VPS13B: variants seen among roughly 807,000 people sequenced by gnomAD.
VPS13B encodes vacuolar protein sorting 13 homolog B.
In VPS13B, 285 loss-of-function variants were observed where a neutral mutation model predicts 426.4. The ratio of observed to expected loss-of-function variants is 0.67; its 90% CI spans 0.61 to 0.74. The LOEUF (loss-of-function observed/expected upper bound fraction) is 0.74. VPS13B is among the 30% of genes least tolerant of loss of function. The probability of loss-of-function intolerance (pLI) is 0.00; values close to 1 mark genes in which losing one functional copy is unlikely to be tolerated. For missense variants in VPS13B, 4,537 were observed against 4,782.6 expected (o/e 0.95, Z 1.51); for synonymous variants, 1,676 against 1,676.4 (o/e 1.00, Z 0.01).
At chr8:99,457,469 C>G (rs181155616) in intron 23 of VPS13B, among the ~76,000 whole-genome samples, 2 of 152,246 alleles carry the variant, frequency 1.3e-5, no homozygotes, top group Admixed American at 6.5e-5. Context: ...ATTCCTCATT[C>G]TGGTAATTGT....
At chr8:99,216,266 T>A (rs1425661666) in intron 17 of VPS13B, among the ~76,000 whole-genome samples, 1 of 152,172 alleles carries the variant, frequency 6.6e-6, no homozygotes, top group Non-Finnish European at 1.5e-5. Context: ...GCTGCAGGGC[T>A]TTTACTGTGT....
intron 33 of VPS13B, among the ~76,000 whole-genome samples, chr8:99,594,015 T>C (rs889681440): frequency 4.0e-5 from 6 of 151,870 alleles, no homozygotes; most frequent in Non-Finnish European, 7.4e-5. Context: ...GAAACCACCA[T>C]GGCACAGATT....
At chr8:99,049,426 T>C (rs1843411977) in intron 3 of VPS13B, among the ~76,000 whole-genome samples, 7 of 152,114 alleles carry the variant, frequency 4.6e-5, no homozygotes, top group Admixed American at 4.6e-4. Context: ...TGAAGCTTAG[T>C]TTTGCTGGAT....
At chr8:99,743,890 A>G (rs573843769) in intron 39 of VPS13B, among the ~76,000 whole-genome samples, 10 of 152,356 alleles carry the variant, frequency 6.6e-5, no homozygotes, top group African/African-American at 1.9e-4. Flanking sequence ...AAACCTAGGC[A>G]ATACCATTCA....
At chr8:99,783,013 G>A (rs1436564593) in intron 42 of VPS13B, among the ~76,000 whole-genome samples, 1 of 152,134 alleles carries the variant, frequency 6.6e-6, no homozygotes, top group Admixed American at 6.6e-5. Flanking sequence ...AATAAGGTAT[G>A]TCAGGGCCAC....
At chr8:99,302,198 T>C (rs1004471560) in intron 19 of VPS13B, among the ~76,000 whole-genome samples, 1 of 152,216 alleles carries the variant, frequency 6.6e-6, no homozygotes, top group African/African-American at 2.4e-5. Context: ...AGCTCCAAAC[T>C]GTCTAGCCAG....
chr8:99,708,018 A>G (rs1832558303), intron 36 of VPS13B, among the ~76,000 whole-genome samples: 1 of 152,192 alleles, frequency 6.6e-6, no homozygotes, highest in Admixed American at 6.6e-5. Flanking sequence ...ACTTTTTTAA[A>G]AAAATTGATT....
intron 33 of VPS13B, among the ~76,000 whole-genome samples, chr8:99,638,860 T>C (rs1829177659): frequency 6.6e-6 from 1 of 152,212 alleles, no homozygotes; most frequent in South Asian, 2.1e-4. Flanking sequence ...AATTTTTTCA[T>C]TTAATGTTGT....
At chr8:99,467,759 G>C in intron 24 of VPS13B, 125 bp downstream of exon 24, 1 of 1,008,186 alleles carries the variant, frequency 9.9e-7, no homozygotes, top group Non-Finnish European at 1.5e-6. Flanking sequence ...TGGCCATCAA[G>C]ATCAGGGTGG....
At chr8:99,578,297 A>G (rs1052953668) in intron 33 of VPS13B, among the ~76,000 whole-genome samples, 3 of 152,186 alleles carry the variant, frequency 2.0e-5, no homozygotes, top group Admixed American at 6.5e-5. Context: ...AACTGTTTAT[A>G]TATGAAAAAG....
chr8:99,823,769 C>A, intron 50 of VPS13B, 63 bp from the exon 51 acceptor site: 1 of 1,541,644 alleles, frequency 6.5e-7, no homozygotes, highest in Non-Finnish European at 8.9e-7. Context: ...TTTAGGAATA[C>A]TCAAGAGATT....
intron 19 of VPS13B, among the ~76,000 whole-genome samples, chr8:99,310,611 G>A (rs1820903939): frequency 1.3e-5 from 2 of 152,198 alleles, no homozygotes; most frequent in South Asian, 2.1e-4. Context: ...GAGGATTTTT[G>A]CATCAGTGTT....
rs185745286 is a variant in VPS13B, at chr8:99,733,982, A to T, written c.7050+12935A>T. Reference sequence around the variant, plus strand: ...GAATCAATTTTGGAATATTTTTATCACCTCAAAAAGAAACTTAGGACTCTT... The same window carrying T: ...GAATCAATTTTGGAATATTTTTATCTCCTCAAAAAGAAACTTAGGACTCTT... On this transcript the variant is annotated intron_variant, in intron 39 of 61. Coordinates refer to ENST00000357162, the MANE Select transcript of VPS13B (RefSeq NM_152564.5). Among the ~76,000 whole-genome samples, 12 of 152,306 alleles carry T rather than the reference A, an allele frequency of 7.9e-5. No individual in the cohort carries two copies. The East Asian group carries it at 2.1e-3, about 27-fold the overall frequency.
intron 21 of VPS13B, among the ~76,000 whole-genome samples, chr8:99,392,242 ACT>A (rs1814487123): frequency 6.6e-6 from 1 of 151,802 alleles, no homozygotes; most frequent in Non-Finnish European, 1.5e-5. Context: ...TTTCTCTCAT[ACT>A]CTCTGCTAGA....
At chr8:99,384,105 G>T in intron 19 of VPS13B, 103 bp from the exon 20 acceptor site, 1 of 963,486 alleles carries the variant, frequency 1.0e-6, no homozygotes. Context: ...GCTTGTTACT[G>T]TTTGTCTGTT....
chr8:99,741,034 G>T (rs1809693619), intron 39 of VPS13B, among the ~76,000 whole-genome samples: 1 of 152,266 alleles, frequency 6.6e-6, no homozygotes, highest in Non-Finnish European at 1.5e-5. Flanking sequence ...CTGGCAAATT[G>T]GATAAAGAGT....
intron 17 of VPS13B, among the ~76,000 whole-genome samples, chr8:99,210,173 A>C (rs1263826337): frequency 6.6e-6 from 1 of 152,198 alleles, no homozygotes; most frequent in African/African-American, 2.4e-5. Flanking sequence ...GTGCTGGACC[A>C]GAATCCCATT....
At chr8:99,586,605 G>A (rs542808803) in intron 33 of VPS13B, among the ~76,000 whole-genome samples, 17 of 152,220 alleles carry the variant, frequency 1.1e-4, no homozygotes, top group Admixed American at 9.2e-4. Flanking sequence ...AATTTGAGTG[G>A]TGGTTTTGTG....
At chr8:99,427,695 A>G (rs1816804873) in intron 21 of VPS13B, among the ~76,000 whole-genome samples, 1 of 152,012 alleles carries the variant, frequency 6.6e-6, no homozygotes, top group South Asian at 2.1e-4. Flanking sequence ...CAAAATCGTG[A>G]AAATGGCCAT....
Sources: allele counts gnomAD v4.1 joint callset (sites outside exome capture counted in the v4.1 genomes callset), GRCh38; gene constraint gnomAD v4.1.1; transcripts MANE v1.5; gene names NCBI Gene and HGNC (gene_info 2026-07-23, HGNC 2026-07-21).